Variants in TDP1 observed in about 807,000 individuals in gnomAD.
TDP1 encodes the protein tyrosyl-DNA phosphodiesterase 1, also known as tyr-DNA phosphodiesterase 1.
A neutral mutation model predicts 81.5 loss-of-function variants in TDP1; 64 were observed. That is an observed-to-expected ratio of 0.79 (90% CI 0.64 to 0.97). The LOEUF (loss-of-function observed/expected upper bound fraction) is 0.97, where lower values mean the gene tolerates loss of function less well. Ranked by LOEUF, TDP1 falls within the 50% of genes least tolerant of loss-of-function variation. The pLI is 0.00. For missense variants in TDP1, 723 were observed against 743.8 expected (o/e 0.97, Z 0.33); for synonymous variants, 256 against 264.3 (o/e 0.97, Z 0.30).
intron 7 of TDP1, among the ~76,000 whole-genome samples, chr14:89,979,835 G>T (rs35653575): frequency 0.056 from 8,532 of 151,970 alleles, 510 homozygotes; most frequent in African/African-American, 0.15. Flanking sequence ...AAATGTGTTC[G>T]ACTAGAGGCC....
intron 16 of TDP1, among the ~76,000 whole-genome samples, chr14:90,034,350 G>A (rs1443209420): frequency 6.6e-6 from 1 of 152,204 alleles, no homozygotes; most frequent in African/African-American, 2.4e-5. Context: ...ACCCTCAAAA[G>A]GGAGGTCCCC....
intron 14 of TDP1, among the ~76,000 whole-genome samples, chr14:90,018,149 A>G (rs1306774911): frequency 1.3e-5 from 2 of 151,828 alleles, no homozygotes; most frequent in East Asian, 1.9e-4. Flanking sequence ...GTTCCAGCAC[A>G]TAGCTCAGAA....
intron 14 of TDP1, among the ~76,000 whole-genome samples, chr14:90,018,132 G>C (rs975303112): frequency 6.6e-6 from 1 of 150,894 alleles, no homozygotes; most frequent in Non-Finnish European, 1.5e-5. Flanking sequence ...AATTCCAGCA[G>C]ACAATAGTTC....
intron 14 of TDP1, among the ~76,000 whole-genome samples, chr14:90,018,220 G>A (rs76345960): frequency 0.039 from 5,961 of 152,148 alleles, 386 homozygotes; most frequent in African/African-American, 0.13. Flanking sequence ...ACAAAGTCAG[G>A]CTCTAAAGAG....
intron 3 of TDP1, chr14:89,964,793 A>G (rs754528682): frequency 2.6e-6 from 1 of 387,808 alleles, no homozygotes. Flanking sequence ...AATTAGCACC[A>G]AGGTATTGTG....
chr14:89,980,807 A>G (rs1372343464), intron 8 of TDP1, 175 bp downstream of exon 8: 2 of 624,826 alleles, frequency 3.2e-6, no homozygotes, highest in South Asian at 1.9e-5. Context: ...TACCTGCCCC[A>G]TTCTACCTTC....
chr14:90,023,930 A>G (rs1368644710), intron 15 of TDP1, among the ~76,000 whole-genome samples: 1 of 152,012 alleles, frequency 6.6e-6, no homozygotes, highest in East Asian at 1.9e-4. Context: ...CAGCCTCCCA[A>G]AAGATCTTGT....
chr14:89,993,493 C>T lies in TDP1; in HGVS notation c.1541+10C>T, dbSNP rs1449201846. 1 of 1,610,496 alleles carries T rather than the reference C, an allele frequency of 6.2e-7. No individual in the cohort carries two copies. The highest frequency in any genetic ancestry group is 2.2e-5 in the East Asian group (1 of 44,848). Reference sequence around the variant, plus strand: ...GGTTCCTTGTCACAAGGTAAATAGTCCTTACATTCCTGATGGGAGAAATCT... The same window carrying T: ...GGTTCCTTGTCACAAGGTAAATAGTTCTTACATTCCTGATGGGAGAAATCT... On this transcript the variant is annotated intron_variant, in intron 14 of 16. Coordinates refer to ENST00000335725, the MANE Select transcript of TDP1 (RefSeq NM_018319.4).
Position 90,017,619 on chromosome 14 carries a change from G to A in TDP1, c.1542-1697G>A, listed in dbSNP as rs552699482. Among the ~76,000 whole-genome samples, 9 of 152,252 alleles carry A rather than the reference G, an allele frequency of 5.9e-5. No homozygotes were observed. In the East Asian group the frequency reaches 1.5e-3, roughly 26 times the overall value. ...AACAGCCTTCCAGAAGATACCTCCC[G>A]TCTTTGTTGTCATGATACTGATAGT... is the stretch of plus-strand genomic sequence containing the variant. On this transcript the variant is annotated intron_variant, in intron 14 of 16. Transcript: ENST00000335725.
chr14:90,031,765 G>C (rs898466001), intron 15 of TDP1, among the ~76,000 whole-genome samples: 1 of 152,116 alleles, frequency 6.6e-6, no homozygotes, highest in African/African-American at 2.4e-5. Flanking sequence ...TGCGGATGCT[G>C]TTCCCTCCAC....
rs767823010 is a variant in TDP1, at chr14:89,963,436, G to A, written c.322G>A (p.Val108Met). The change falls in exon 3 of 17, where the codon GTG (valine) becomes ATG (methionine). Residue 108 changes from valine to methionine, a missense_variant. By Grantham distance (21) the Val-to-Met change is conservative. Coordinates refer to ENST00000335725, the MANE Select transcript of TDP1 (RefSeq NM_018319.4). ...AATGCCGCAGAAGCAGGCTGAGAAA[G>A]TGGTGATCAAAAAGGAGAAAGACAT... ...PEMPQKQAEK[V>M]VIKKEKDISA... 14 of 1,613,526 alleles carry A rather than the reference G, an allele frequency of 8.7e-6. No individual in the cohort carries two copies. In the East Asian group the frequency reaches 2.9e-4, roughly 33 times the overall value.
intron 5 of TDP1, among the ~76,000 whole-genome samples, chr14:89,967,750 C>T (rs908009227): frequency 1.3e-5 from 2 of 152,180 alleles, no homozygotes; most frequent in African/African-American, 2.4e-5. Flanking sequence ...TGTGAATGTG[C>T]CAACATGCCG....
At chr14:89,982,225 C>G (rs1387012248) in intron 8 of TDP1, among the ~76,000 whole-genome samples, 1 of 152,112 alleles carries the variant, frequency 6.6e-6, no homozygotes, top group Non-Finnish European at 1.5e-5. Flanking sequence ...TTCAGTATCC[C>G]ACTGAAAATA....
chr14:89,985,293 A>G, intron 10 of TDP1, 83 bp downstream of exon 10: 3 of 797,314 alleles, frequency 3.8e-6, no homozygotes, highest in Non-Finnish European at 6.1e-6. Flanking sequence ...ATTTTGATGC[A>G]GCTTCACAAT....
At chr14:89,993,970 T>G (rs1048344298) in intron 14 of TDP1, among the ~76,000 whole-genome samples, 6 of 152,198 alleles carry the variant, frequency 3.9e-5, no homozygotes, top group African/African-American at 1.4e-4. Context: ...GTCACAGAAT[T>G]ATGTAACCAT....
intron 2 of TDP1, among the ~76,000 whole-genome samples, chr14:89,959,871 C>T (rs754849585): frequency 1.3e-5 from 2 of 152,088 alleles, no homozygotes; most frequent in Non-Finnish European, 2.9e-5. Context: ...TTTGGAAATT[C>T]CATTTTATTT....
At chr14:90,008,978 G>A (rs1224748317) in intron 14 of TDP1, among the ~76,000 whole-genome samples, 1 of 152,166 alleles carries the variant, frequency 6.6e-6, no homozygotes. Flanking sequence ...CAAAGCACTA[G>A]GATTACAGGC....
At chr14:89,981,008 A>C (rs2140073669) in intron 8 of TDP1, among the ~76,000 whole-genome samples, 1 of 152,360 alleles carries the variant, frequency 6.6e-6, no homozygotes, top group South Asian at 2.1e-4. Context: ...TTACAGAATG[A>C]AAGATCTGAA....
In TDP1 at chr14:90,043,397, C is replaced by T. The variant is rs528874987; in HGVS notation, c.*254C>T. Reference sequence around the variant, plus strand: ...AGTGAACTTCTCTATGTTAAAAATACGTACTGCTTGAGTATCCCCTGTCTG... The same window carrying T: ...AGTGAACTTCTCTATGTTAAAAATATGTACTGCTTGAGTATCCCCTGTCTG... On this transcript the variant is annotated 3_prime_UTR_variant, in exon 17 of 17. Coordinates refer to ENST00000335725, the MANE Select transcript of TDP1 (RefSeq NM_018319.4). 9.6e-5 allele frequency: 54 copies of T among 563,100 alleles called. 1 individual carries two copies. The South Asian group carries it at 9.7e-4, about 10-fold the overall frequency. 34.9% of individuals were successfully genotyped at this position (563,100 alleles called of 1,614,324 possible). A position where few individuals can be genotyped will look rare whatever the true frequency, so the allele number is the denominator to read the frequency against.
Sources: gnomAD v4.1 joint callset for allele counts (sites outside exome capture counted in the v4.1 genomes callset) on GRCh38, gnomAD v4.1.1 for gene constraint, MANE v1.5 for transcripts, NCBI Gene and HGNC (gene_info 2026-07-23, HGNC 2026-07-21) for gene names.